The following RAB37 variants were observed in gnomAD, a reference collection of about 807,000 sequenced individuals.
RAB37 encodes RAB37, member RAS oncogene family, also known as ras-related protein Rab-37.
Under a neutral mutation model 33.1 loss-of-function variants are expected in RAB37, and 29 were observed. The observed-to-expected ratio is 0.88, with a 90% CI of 0.65 to 1.20. The LOEUF (loss-of-function observed/expected upper bound fraction) is 1.20. Ranked by LOEUF, RAB37 falls within the 50% of genes most tolerant of loss-of-function variation. The probability of loss-of-function intolerance (pLI) is 0.00; values close to 1 mark genes in which losing one functional copy is unlikely to be tolerated. For missense variants in RAB37, 299 were observed against 301.1 expected (o/e 0.99, Z 0.05); for synonymous variants, 128 against 119.5 (o/e 1.07, Z -0.47).
At chr17:74,689,191 C>T (rs991343158) in intron 1 of RAB37, among the ~76,000 whole-genome samples, 5 of 151,818 alleles carry the variant, frequency 3.3e-5, no homozygotes, top group African/African-American at 1.2e-4. Context: ...ACCTGTAATC[C>T]CAGCACTTTG....
At chr17:74,724,175 C>G (rs1419969174) in intron 1 of RAB37, among the ~76,000 whole-genome samples, 1 of 152,174 alleles carries the variant, frequency 6.6e-6, no homozygotes, top group Admixed American at 6.5e-5. Context: ...CAGGGCACAG[C>G]TAGGCTTTAC....
At chr17:74,695,956 C>A in intron 1 of RAB37, 1 of 1,419,916 alleles carries the variant, frequency 7.0e-7, no homozygotes, top group East Asian at 2.3e-5. Flanking sequence ...CTCCACTTCC[C>A]CAGGTGCCCC....
rs11654181 is a variant in RAB37, at chr17:74,739,556, G to T, written c.94-1212G>T. Among the ~76,000 whole-genome samples the T allele has an allele frequency of 6.6e-3, 886 of 133,912 alleles. 4 individuals are homozygous for T. The highest frequency in any genetic ancestry group is 0.034 in the Middle Eastern group (7 of 204). The allele number at this position is 133,912 out of a possible 152,430, so 87.9% of individuals were successfully genotyped here. A position where few individuals can be genotyped will look rare whatever the true frequency, so the allele number is the denominator to read the frequency against. ...TTTTTTTTTTTTTTTTTGAGACAGA[G>T]TGTCGCTCTGTCACCGAGGCTGGAG... On this transcript the variant is annotated intron_variant, in intron 1 of 8. Coordinates refer to ENST00000392613, the MANE Select transcript of RAB37 (RefSeq NM_001006638.3).
chr17:74,731,076 G>GAA (rs1567810807), intron 2 of RAB37, among the ~76,000 whole-genome samples: 2 of 152,126 alleles, frequency 1.3e-5, no homozygotes, highest in African/African-American at 4.8e-5. Context: ...CGCTGAGTGA[G>GAA]GACCTGAGCC....
intron 1 of RAB37, among the ~76,000 whole-genome samples, chr17:74,683,544 T>TTC (rs1209649002): frequency 6.6e-6 from 1 of 152,224 alleles, no homozygotes; most frequent in East Asian, 1.9e-4. Flanking sequence ...CGCCCTGCAC[T>TTC]TAGAAGGGCC....
At chr17:74,737,510 G>A (rs572268169) in intron 1 of RAB37, 145 bp downstream of exon 1, 3 of 968,180 alleles carry the variant, frequency 3.1e-6, no homozygotes, top group Admixed American at 3.0e-5. Flanking sequence ...AGCCTCTGGG[G>A]CCGTCCCAAG....
At chr17:74,713,044 G>C (rs147198749) in intron 1 of RAB37, 4 of 627,392 alleles carry the variant, frequency 6.4e-6, no homozygotes, top group Non-Finnish European at 8.3e-6. Flanking sequence ...CCGTGGCTCA[G>C]GCCTGTAATC....
chr17:74,736,615 G>A (rs1468602288), upstream of RAB37: 4 of 1,533,806 alleles, frequency 2.6e-6, no homozygotes, highest in East Asian at 4.9e-5. Context: ...TCCCCTGGTG[G>A]GACATTCTGG....
chr17:74,672,283 C>T (rs560523617), intron 1 of RAB37, among the ~76,000 whole-genome samples: 1 of 49,166 alleles, frequency 2.0e-5, no homozygotes, highest in South Asian at 4.5e-4. Context: ...AAATAGTAGC[C>T]TCTCTCAGGA....
At chr17:74,734,003 G>A (rs1354259753), upstream of RAB37, among the ~76,000 whole-genome samples, 3 of 152,150 alleles carry the variant, frequency 2.0e-5, no homozygotes, top group Non-Finnish European at 4.4e-5. Flanking sequence ...AGTGCTTCAG[G>A]CCACTGCTCC....
At chr17:74,734,172 G>T (rs2034433221), upstream of RAB37, among the ~76,000 whole-genome samples, 1 of 152,178 alleles carries the variant, frequency 6.6e-6, no homozygotes, top group Non-Finnish European at 1.5e-5. Flanking sequence ...TCCAGAGAAG[G>T]GTCATTCCTT....
rs1044657226 is a variant in RAB37 at position 74,696,002 on chromosome 17, C to T, written c.72+24344C>T. On this transcript the variant is annotated intron_variant, in intron 1 of 7. Coordinates refer to the RAB37 transcript ENST00000340415. ...CCCTCCGTGTCCTCCACTTCTCAGG[C>T]TCCTGTACCCCTCAGCCCTTGTCCC... 10 of 1,261,366 alleles carry T rather than the reference C, an allele frequency of 7.9e-6. No homozygotes were observed. The African/African-American group carries it at 1.5e-4, about 19-fold the overall frequency. 78.1% of individuals were successfully genotyped at this position (1,261,366 alleles called of 1,614,324 possible). A position where few individuals can be genotyped will look rare whatever the true frequency, so the allele number is the denominator to read the frequency against.
At chr17:74,733,571 G>GAT (rs2034424619), upstream of RAB37, among the ~76,000 whole-genome samples, 1 of 11,908 alleles carries the variant, frequency 8.4e-5, no homozygotes, top group African/African-American at 3.8e-4. Flanking sequence ...GTGTGTGTGT[G>GAT]GTGAGGTGTG....
rs2034710796 is a variant in RAB37, at chr17:74,744,773, G to A, written c.433-100G>A. 1.4e-6 allele frequency: 2 copies of A among 1,410,552 alleles called. No homozygotes were observed. The highest frequency in any genetic ancestry group is 2.0e-6 in the Non-Finnish European group (2 of 995,622). The allele number at this position is 1,410,552 out of a possible 1,614,324, so 87.4% of individuals were successfully genotyped here. ...ATCACACCTGCCTGCAGTCCCTTGG[G>A]CCACCAGCAGAGGGCAGGCAACGCC... On this transcript the variant is annotated intron_variant, in intron 6 of 8. Transcript: ENST00000392613. This position sits in a 1 kb window ranked among gnomAD's most constrained non-coding sequence, Gnocchi z 4.2.
intron 1 of RAB37, chr17:74,704,722 C>T: frequency 6.2e-7 from 1 of 1,614,170 alleles, no homozygotes; most frequent in Non-Finnish European, 8.5e-7. Flanking sequence ...AGTAGGTCTC[C>T]CAGCCTGATC....
At chr17:74,673,456 C>T (rs996154687) in intron 1 of RAB37, among the ~76,000 whole-genome samples, 2 of 148,314 alleles carry the variant, frequency 1.3e-5, no homozygotes, top group African/African-American at 5.0e-5. Flanking sequence ...AACATAATTA[C>T]AAATCAATTA....
chr17:74,712,764 C>G (rs2034063930), intron 1 of RAB37: 1 of 1,596,118 alleles, frequency 6.3e-7, no homozygotes, highest in Admixed American at 1.7e-5. Context: ...TCTTCCCTCT[C>G]TCAGCCACCT....
At chr17:74,724,167 G>A (rs1364147690) in intron 1 of RAB37, among the ~76,000 whole-genome samples, 1 of 152,206 alleles carries the variant, frequency 6.6e-6, no homozygotes, top group Non-Finnish European at 1.5e-5. Context: ...AAGGTGGTCA[G>A]GGCACAGCTA....
At chr17:74,743,389 G>A (rs1285076277) in intron 5 of RAB37, 49 bp downstream of exon 5, 2 of 1,594,362 alleles carry the variant, frequency 1.3e-6, no homozygotes, top group Non-Finnish European at 1.7e-6. Context: ...CCAAGGCAAG[G>A]TCTATGCAGG....
Sources: allele counts gnomAD v4.1 joint callset (sites outside exome capture counted in the v4.1 genomes callset), GRCh38; gene constraint gnomAD v4.1.1; non-coding constraint Gnocchi (gnomAD v3.1); transcripts MANE v1.5; gene names NCBI Gene and HGNC (gene_info 2026-07-23, HGNC 2026-07-21).